Variants in TNR observed in about 807,000 individuals in gnomAD.
The protein encoded by TNR is tenascin R.
Under a neutral mutation model 150.4 loss-of-function variants are expected in TNR, and 45 were observed. The ratio of observed to expected loss-of-function variants is 0.30; its 90% CI spans 0.24 to 0.38. The LOEUF is 0.38. Ranked by LOEUF, TNR falls within the 10% of genes least tolerant of loss-of-function variation. The probability of loss-of-function intolerance (pLI) is 1.00; values close to 1 mark genes in which losing one functional copy is unlikely to be tolerated. For synonymous variants in TNR, 687 were observed against 678.4 expected, an observed-to-expected ratio of 1.01 and a Z score of -0.20; for missense variants, 1,544 against 1,759.1, an observed-to-expected ratio of 0.88 and a Z score of 2.19.
intron 1 of TNR, among the ~76,000 whole-genome samples, chr1:175,617,419 G>T (rs1663816637): frequency 6.6e-6 from 1 of 152,182 alleles, no homozygotes; most frequent in South Asian, 2.1e-4. Context: ...AGGAGGTCTG[G>T]GAGCTAAGGT....
At chr1:175,657,782 A>G (rs1409002883) in intron 1 of TNR, among the ~76,000 whole-genome samples, 1 of 78,828 alleles carries the variant, frequency 1.3e-5, no homozygotes, top group Non-Finnish European at 2.4e-5. Flanking sequence ...GGGTGGGGGG[A>G]GGGATAGCAT....
At chr1:175,579,192 C>CCTTA (rs914912448) in intron 1 of TNR, among the ~76,000 whole-genome samples, 3 of 147,120 alleles carry the variant, frequency 2.0e-5, no homozygotes. Flanking sequence ...TTCCTTCCTT[C>CCTTA]CTTCCTTCCT....
chr1:175,553,813 AACAAACACAC>A (rs1661039612), intron 1 of TNR, among the ~76,000 whole-genome samples: 2 of 21,820 alleles, frequency 9.2e-5, no homozygotes, highest in Non-Finnish European at 2.1e-4. Flanking sequence ...CATATACAAG[AACAAACACAC>A]ACACACACAC....
At chr1:175,694,008 G>A (rs1362656657) in intron 1 of TNR, among the ~76,000 whole-genome samples, 1 of 152,194 alleles carries the variant, frequency 6.6e-6, no homozygotes, top group African/African-American at 2.4e-5. Flanking sequence ...TCCACTGTTT[G>A]TATATGCCAG....
intron 2 of TNR, among the ~76,000 whole-genome samples, chr1:175,441,584 A>G (rs1376499543): frequency 6.6e-6 from 1 of 152,182 alleles, no homozygotes; most frequent in Non-Finnish European, 1.5e-5. Flanking sequence ...AAATACAGAT[A>G]CTTTCAAAAG....
intron 1 of TNR, among the ~76,000 whole-genome samples, chr1:175,688,013 A>G (rs1666253706): frequency 6.6e-6 from 1 of 152,262 alleles, no homozygotes; most frequent in Non-Finnish European, 1.5e-5. Context: ...TATAAATTAA[A>G]TTAGATGGGT....
intron 1 of TNR, among the ~76,000 whole-genome samples, chr1:175,727,335 A>T (rs759675290): frequency 2.5e-4 from 38 of 152,246 alleles, no homozygotes; most frequent in Non-Finnish European, 4.3e-4. Context: ...GCCAAGTACC[A>T]AGTTAACATA....
rs76164910 is a variant in TNR, at chr1:175,622,802, T to A, written c.-164-94433A>T. ...CCTCTGAAACCTATAGGGAGAATAT[T>A]TTCTTGCCTCTTCCTAGCTCCTGGT... On this transcript the variant is annotated intron_variant, in intron 1 of 22. Coordinates refer to ENST00000367674, the MANE Select transcript of TNR (RefSeq NM_003285.3). Among the ~76,000 whole-genome samples, 10 of 152,320 alleles carry A rather than the reference T, an allele frequency of 6.6e-5. No homozygotes were observed. In the East Asian group the frequency reaches 1.9e-3, roughly 29 times the overall value.
At chr1:175,348,229 A>C (rs1650891865) in intron 18 of TNR, among the ~76,000 whole-genome samples, 1 of 152,188 alleles carries the variant, frequency 6.6e-6, no homozygotes, top group Non-Finnish European at 1.5e-5. Flanking sequence ...TAAAGGAAAA[A>C]CTTACAACTC....
intron 9 of TNR, among the ~76,000 whole-genome samples, chr1:175,368,470 G>T (rs1168968091): frequency 2.0e-5 from 3 of 152,178 alleles, no homozygotes; most frequent in Non-Finnish European, 2.9e-5. Context: ...CGATCATGTT[G>T]GTCCCACCTG....
At chr1:175,423,119 G>A (rs1049690048) in intron 2 of TNR, among the ~76,000 whole-genome samples, 1 of 152,208 alleles carries the variant, frequency 6.6e-6, no homozygotes, top group African/African-American at 2.4e-5. Flanking sequence ...TTTATAGTGA[G>A]AATGAAATAT....
At chr1:175,454,176 A>T (rs950700264) in intron 2 of TNR, among the ~76,000 whole-genome samples, 1 of 152,218 alleles carries the variant, frequency 6.6e-6, no homozygotes, top group African/African-American at 2.4e-5. Context: ...TATCCAAAAC[A>T]TCTCCCATGC....
At chr1:175,559,285 T>C (rs1028547033) in intron 1 of TNR, among the ~76,000 whole-genome samples, 1 of 152,218 alleles carries the variant, frequency 6.6e-6, no homozygotes, top group African/African-American at 2.4e-5. Context: ...CACTTTAAAA[T>C]TGTTAATTTT....
At chr1:175,338,908 AG>A (rs1450292267) in intron 18 of TNR, among the ~76,000 whole-genome samples, 3 of 152,200 alleles carry the variant, frequency 2.0e-5, no homozygotes, top group African/African-American at 7.2e-5. Flanking sequence ...CCCCCGCACC[AG>A]GACTGCCCTT....
intron 1 of TNR, among the ~76,000 whole-genome samples, chr1:175,570,435 G>T (rs1349892762): frequency 6.6e-6 from 1 of 152,078 alleles, no homozygotes; most frequent in South Asian, 2.1e-4. Flanking sequence ...GTGTGTGGGG[G>T]GTGTTCATGT....
chr1:175,667,247 G>A (rs746869468), intron 1 of TNR, among the ~76,000 whole-genome samples: 50 of 152,150 alleles, frequency 3.3e-4, no homozygotes, highest in African/African-American at 1.7e-4. Context: ...CTTTGCACAC[G>A]TGGTCTGCTC....
intron 1 of TNR, among the ~76,000 whole-genome samples, chr1:175,561,420 C>T (rs1661423028): frequency 6.6e-6 from 1 of 152,188 alleles, no homozygotes; most frequent in African/African-American, 2.4e-5. Context: ...AGCCCCACCT[C>T]CTATGATTGG....
At chr1:175,512,434 T>G (rs1225346397) in intron 2 of TNR, among the ~76,000 whole-genome samples, 2 of 152,228 alleles carry the variant, frequency 1.3e-5, no homozygotes, top group Admixed American at 6.5e-5. Flanking sequence ...TAGCAACTCT[T>G]AGTAGACTCT....
chr1:175,330,239 T>C lies in TNR; in HGVS notation c.3632-4A>G, dbSNP rs767167480. 2.6e-6 allele frequency: 4 copies of C among 1,536,254 alleles called. No homozygotes were observed. Among genetic ancestry groups the C allele is most frequent in the Non-Finnish European group, 3.5e-6 (4 of 1,130,068 alleles). ...ATCCTGTGTATATTGTCCAGCCCTG[T>C]GGAGAAGAGCAGAAAATGCACTGAG... On this transcript the variant is annotated splice_polypyrimidine_tract_variant and splice_region_variant and intron_variant, in intron 20 of 22. Coordinates refer to ENST00000367674, the MANE Select transcript of TNR (RefSeq NM_003285.3).
Sources: allele counts gnomAD v4.1 joint callset (sites outside exome capture counted in the v4.1 genomes callset), GRCh38; gene constraint gnomAD v4.1.1; transcripts MANE v1.5; gene names NCBI Gene and HGNC (gene_info 2026-07-23, HGNC 2026-07-21).